Variants in CNBD1 observed in about 807,000 individuals in gnomAD.
CNBD1 encodes cyclic nucleotide binding domain containing 1.
A neutral mutation model predicts 54.4 loss-of-function variants in CNBD1; 71 were observed. That is an observed-to-expected ratio of 1.30 (90% CI 1.08 to 1.59). The LOEUF is 1.59. Ranked by LOEUF, CNBD1 falls within the 40% of genes most tolerant of loss-of-function variation. The pLI, the probability that CNBD1 is intolerant of heterozygous loss-of-function variation, is 0.00. For synonymous variants in CNBD1, 182 were observed against 170.7 expected, an observed-to-expected ratio of 1.07 and a Z score of -0.51; for missense variants, 659 against 518.0, an observed-to-expected ratio of 1.27 and a Z score of -2.64.
At chr8:87,362,180 C>G (rs1287951857) in intron 10 of CNBD1, among the ~76,000 whole-genome samples, 1 of 152,072 alleles carries the variant, frequency 6.6e-6, no homozygotes, top group Non-Finnish European at 1.5e-5. Context: ...CACTGCAATG[C>G]CTGTGAGGAG....
At chr8:87,083,381 C>T (rs983576877) in intron 4 of CNBD1, among the ~76,000 whole-genome samples, 1 of 152,086 alleles carries the variant, frequency 6.6e-6, no homozygotes, top group Non-Finnish European at 1.5e-5. Flanking sequence ...CATCTATTAC[C>T]TCTATGGGCA....
At chr8:87,214,862 T>TGGG (rs1814175643) in intron 5 of CNBD1, among the ~76,000 whole-genome samples, 2 of 152,132 alleles carry the variant, frequency 1.3e-5, no homozygotes, top group African/African-American at 4.8e-5. Context: ...CCCCCATGAT[T>TGGG]CAGTTATCTC....
intron 4 of CNBD1, among the ~76,000 whole-genome samples, chr8:87,171,692 G>A (rs1177272267): frequency 3.3e-5 from 5 of 151,550 alleles, no homozygotes; most frequent in Admixed American, 6.6e-5. Context: ...AGGCTGGAGT[G>A]CAGTGACATG....
Position 87,319,344 on chromosome 8 carries a change from A to C in CNBD1, c.1043-32341A>C, listed in dbSNP as rs904887685. On this transcript the variant is annotated intron_variant, in intron 8 of 10. Coordinates refer to ENST00000518476, the MANE Select transcript of CNBD1 (RefSeq NM_173538.3). ...AAAAGGCAATGAGCCTCATATTCCC[A>C]TAGGTATTTTTACATTGTTCTAAAT... Among the ~76,000 whole-genome samples the C allele has an allele frequency of 2.0e-5, 3 of 152,146 alleles. No homozygotes were observed. The East Asian group carries it at 5.8e-4, about 29-fold the overall frequency.
intron 6 of CNBD1, among the ~76,000 whole-genome samples, chr8:87,271,492 T>A (rs192619833): frequency 1.3e-5 from 2 of 152,134 alleles, no homozygotes; most frequent in Admixed American, 1.3e-4. Context: ...CTTCTTAAGT[T>A]ATTCATTGAC....
At chr8:87,050,818 G>T (rs1460741286) in intron 4 of CNBD1, among the ~76,000 whole-genome samples, 1 of 152,162 alleles carries the variant, frequency 6.6e-6, no homozygotes, top group Non-Finnish European at 1.5e-5. Flanking sequence ...ATGTTGCAGG[G>T]GCTGTTGCAG....
At chr8:87,233,698 G>T (rs534706095) in intron 5 of CNBD1, among the ~76,000 whole-genome samples, 12 of 151,910 alleles carry the variant, frequency 7.9e-5, no homozygotes, top group Non-Finnish European at 1.6e-4. Context: ...TTGAACTCCG[G>T]GGCTCAAGTG....
At chr8:87,283,038 A>G (rs185199127) in intron 6 of CNBD1, among the ~76,000 whole-genome samples, 1 of 152,180 alleles carries the variant, frequency 6.6e-6, no homozygotes, top group Non-Finnish European at 1.5e-5. Context: ...AGTTTCTTCT[A>G]GAATTTCTGT....
chr8:86,993,988 T>C (rs1194258348), intron 4 of CNBD1, among the ~76,000 whole-genome samples: 1 of 152,082 alleles, frequency 6.6e-6, no homozygotes, highest in Non-Finnish European at 1.5e-5. Context: ...TGGGTAGAGG[T>C]CGTGGCAGGG....
At chr8:86,906,647 CT>C (rs1378832033) in intron 3 of CNBD1, among the ~76,000 whole-genome samples, 1 of 152,192 alleles carries the variant, frequency 6.6e-6, no homozygotes, top group African/African-American at 2.4e-5. Context: ...AAATGTAGCT[CT>C]GTCTATAGAA....
rs568077027 is a variant in CNBD1 at position 87,302,836 on chromosome 8, C to T, written c.1042+16165C>T. On this transcript the variant is annotated intron_variant, in intron 8 of 10. Transcript: ENST00000518476. ...CAAAAATCACAAGCATTCTTATACACCAGCAACAGACAAACAGAGAGCCAA... is the reference window on the plus strand; with the variant it reads ...CAAAAATCACAAGCATTCTTATACATCAGCAACAGACAAACAGAGAGCCAA... Among the ~76,000 whole-genome samples the T allele has an allele frequency of 1.2e-4, 18 of 152,134 alleles. No homozygotes were observed. In the South Asian group the frequency reaches 3.5e-3, roughly 30 times the overall value.
intron 8 of CNBD1, 85 bp from the exon 9 acceptor site, chr8:87,351,600 A>T: frequency 8.1e-7 from 1 of 1,240,118 alleles, no homozygotes; most frequent in Non-Finnish European, 1.1e-6. Flanking sequence ...ATTGAATTAA[A>T]TACATTAACT....
chr8:87,344,093 C>A (rs551751746), intron 8 of CNBD1, among the ~76,000 whole-genome samples: 6 of 151,934 alleles, frequency 3.9e-5, no homozygotes, highest in South Asian at 2.1e-4. Context: ...TGGGAAAAGG[C>A]CAGTAATTTT....
At chr8:86,956,015 T>TAAGG (rs927010989) in intron 4 of CNBD1, among the ~76,000 whole-genome samples, 12 of 152,180 alleles carry the variant, frequency 7.9e-5, no homozygotes, top group African/African-American at 2.7e-4. Flanking sequence ...GTATAAGGTG[T>TAAGG]AAGGAAGGGA....
At chr8:87,033,651 T>G (rs1180567155) in intron 4 of CNBD1, among the ~76,000 whole-genome samples, 1 of 152,210 alleles carries the variant, frequency 6.6e-6, no homozygotes, top group Non-Finnish European at 1.5e-5. Context: ...TTTATCTTCC[T>G]TACTAATAAA....
chr8:86,957,718 C>G (rs1474378694), intron 4 of CNBD1, among the ~76,000 whole-genome samples: 1 of 152,056 alleles, frequency 6.6e-6, no homozygotes, highest in Non-Finnish European at 1.5e-5. Flanking sequence ...ATTCTTCTCT[C>G]TTTTCTTCTT....
chr8:87,417,195 C>T (rs1807852404), intron 2 of CNBD1, among the ~76,000 whole-genome samples: 1 of 151,874 alleles, frequency 6.6e-6, no homozygotes, highest in Admixed American at 6.6e-5. Context: ...GAAGGAAAAG[C>T]AAAGGCACAT....
chr8:87,061,673 A>G (rs1046716606), intron 4 of CNBD1, among the ~76,000 whole-genome samples: 3 of 152,134 alleles, frequency 2.0e-5, no homozygotes, highest in Non-Finnish European at 4.4e-5. Context: ...AAATAGCCTA[A>G]TTTGTCTTTG....
intron 6 of CNBD1, among the ~76,000 whole-genome samples, chr8:87,248,900 T>A (rs1319149943): frequency 6.6e-6 from 1 of 152,094 alleles, no homozygotes; most frequent in African/African-American, 2.4e-5. Flanking sequence ...AATAAAATAA[T>A]GAGAGGGCCA....
Sources: gnomAD v4.1 joint callset for allele counts (sites outside exome capture counted in the v4.1 genomes callset) on GRCh38, gnomAD v4.1.1 for gene constraint, MANE v1.5 for transcripts, NCBI Gene and HGNC (gene_info 2026-07-23, HGNC 2026-07-21) for gene names.